The following TENM4 variants were observed in gnomAD, a reference collection of about 807,000 sequenced individuals.
The protein encoded by TENM4 is teneurin-4.
In TENM4, 82 loss-of-function variants were observed where a neutral mutation model predicts 243.3. The observed-to-expected ratio is 0.34, with a 90% CI of 0.28 to 0.40. TENM4 has a LOEUF of 0.40. TENM4 is among the 10% of genes least tolerant of loss of function. The pLI, the probability that TENM4 is intolerant of heterozygous loss-of-function variation, is 1.00. For missense variants in TENM4, 3,138 were observed against 3,673.3 expected (o/e 0.85, Z 3.77); for synonymous variants, 1,412 against 1,456.3 (o/e 0.97, Z 0.69).
intron 18 of TENM4, 69 bp from the exon 19 acceptor site, chr11:78,757,090 TA>T (rs1337313976): frequency 6.9e-7 from 1 of 1,448,872 alleles, no homozygotes; most frequent in Non-Finnish European, 9.3e-7. Context: ...CAGAATGCCT[TA>T]ATTCATTTCT....
chr11:78,893,676 C>G (rs759227087), intron 7 of TENM4, among the ~76,000 whole-genome samples: 1 of 151,798 alleles, frequency 6.6e-6, no homozygotes, highest in Non-Finnish European at 1.5e-5. Flanking sequence ...AACCTCCTTC[C>G]TCCCCTCCTC....
intron 6 of TENM4, among the ~76,000 whole-genome samples, chr11:79,026,842 G>T (rs544900718): frequency 6.6e-6 from 1 of 152,118 alleles, no homozygotes; most frequent in Non-Finnish European, 1.5e-5. Flanking sequence ...TTGGACTCTG[G>T]TAAAAGGGCA....
chr11:78,889,577 A>G lies in TENM4; in HGVS notation c.1084+208T>C, dbSNP rs1179711722. The stretch of plus-strand genomic sequence containing the variant: ...AGCTTCCTTCCTGATATAAGTGCAG[A>G]GGGATGGAGAGGAAAGAGAGGAGGG... On this transcript the variant is annotated intron_variant, in intron 9 of 33. Transcript: ENST00000278550. 2.0e-5 allele frequency among the ~76,000 whole-genome samples: 3 copies of G among 152,192 alleles called. No individual in the cohort carries two copies. The East Asian group carries it at 5.8e-4, about 29-fold the overall frequency.
chr11:79,051,713 T>C (rs537205068), intron 6 of TENM4, among the ~76,000 whole-genome samples: 2 of 152,332 alleles, frequency 1.3e-5, no homozygotes, highest in Admixed American at 6.5e-5. Flanking sequence ...ATGTGCAGGT[T>C]TGTCACATAA....
chr11:79,392,242 C>T (rs1858249914), intron 1 of TENM4, among the ~76,000 whole-genome samples: 1 of 152,218 alleles, frequency 6.6e-6, no homozygotes, highest in Non-Finnish European at 1.5e-5. Context: ...ATGATGTTTG[C>T]TCACAGGGAA....
At chr11:78,858,625 A>AT (rs1213839572) in intron 10 of TENM4, among the ~76,000 whole-genome samples, 1 of 152,196 alleles carries the variant, frequency 6.6e-6, no homozygotes, top group African/African-American at 2.4e-5. Flanking sequence ...TCTAGATGCT[A>AT]TAAGACTTTT....
intron 1 of TENM4, among the ~76,000 whole-genome samples, chr11:79,321,625 C>T (rs577370217): frequency 3.9e-4 from 37 of 95,162 alleles, no homozygotes; most frequent in African/African-American, 1.5e-3. Flanking sequence ...ACTTTCTGCA[C>T]AAGCAGGAAA....
Position 78,670,531 on chromosome 11 carries a change from G to C in TENM4, c.5814C>G (p.His1938Gln), listed in dbSNP as rs1858296863. The C allele has an allele frequency of 6.2e-7, 1 of 1,609,166 alleles. No homozygotes were observed. The highest frequency in any genetic ancestry group is 8.5e-7 in the Non-Finnish European group (1 of 1,177,822). Residue 1938 changes from histidine to glutamine, a missense_variant, in exon 32 of 34, where the codon CAC becomes CAG. Around this residue, in one of 2 missense-constraint regions of TENM4, gnomAD observed 2,467 missense variants for 3,059.1 expected, o/e 0.81. Coordinates refer to ENST00000278550, the MANE Select transcript of TENM4 (RefSeq NM_001098816.3). The part of the protein sequence containing the change: ...YLEKSMVLLL[H>Q]SQRQYIFEFD... ...ACTCAAAGATATACTGCCTCTGGCT[G>C]TGTAGTAGCAGCACCATGGACTGGA...
At chr11:78,922,727 C>G (rs534551077) in intron 6 of TENM4, among the ~76,000 whole-genome samples, 1 of 152,312 alleles carries the variant, frequency 6.6e-6, no homozygotes, top group Non-Finnish European at 1.5e-5. Context: ...GGCCTAAGAC[C>G]TGTGACATAT....
At chr11:79,369,396 A>G (rs188070218) in intron 1 of TENM4, among the ~76,000 whole-genome samples, 1 of 152,290 alleles carries the variant, frequency 6.6e-6, no homozygotes, top group Admixed American at 6.5e-5. Context: ...CAGCATGATT[A>G]ACACTGCTTT....
At chr11:79,373,329 G>T (rs890891414) in intron 1 of TENM4, among the ~76,000 whole-genome samples, 1 of 104,800 alleles carries the variant, frequency 9.5e-6, no homozygotes, top group Non-Finnish European at 2.0e-5. Flanking sequence ...TGGCTGGCTG[G>T]CTGGATGGAT....
At chr11:79,376,501 G>A (rs907301689) in intron 1 of TENM4, among the ~76,000 whole-genome samples, 2 of 152,212 alleles carry the variant, frequency 1.3e-5, no homozygotes, top group South Asian at 2.1e-4. Flanking sequence ...GCTACTGGAA[G>A]ACTTCCCTTC....
intron 18 of TENM4, among the ~76,000 whole-genome samples, chr11:78,758,737 C>T (rs757590799): frequency 6.6e-6 from 1 of 152,152 alleles, no homozygotes; most frequent in Non-Finnish European, 1.5e-5. Flanking sequence ...TTCTGTTTCT[C>T]TCCCATTTCT....
chr11:78,990,111 TC>T (rs1858006975), intron 6 of TENM4, among the ~76,000 whole-genome samples: 1 of 151,340 alleles, frequency 6.6e-6, no homozygotes, highest in East Asian at 1.9e-4. Flanking sequence ...CTTTATTGGG[TC>T]CCAGGGTCAC....
At chr11:78,804,256 T>A (rs1423440373) in intron 15 of TENM4, among the ~76,000 whole-genome samples, 1 of 152,224 alleles carries the variant, frequency 6.6e-6, no homozygotes, top group Non-Finnish European at 1.5e-5. Flanking sequence ...CTTTATCAGT[T>A]CACTTATCTC....
chr11:79,246,985 C>CGAA (rs71050214), intron 2 of TENM4, among the ~76,000 whole-genome samples: 4 of 133,676 alleles, frequency 3.0e-5, no homozygotes, highest in Admixed American at 7.6e-5. Flanking sequence ...TTGTATTTCT[C>CGAA]AAAAAAAAAA....
At chr11:79,305,291 G>A (rs1316421243) in intron 1 of TENM4, among the ~76,000 whole-genome samples, 1 of 152,234 alleles carries the variant, frequency 6.6e-6, no homozygotes, top group Non-Finnish European at 1.5e-5. Context: ...CAGAGCTGAT[G>A]TGAGAATTAG....
intron 4 of TENM4, among the ~76,000 whole-genome samples, chr11:79,144,176 G>A (rs72935328): frequency 0.055 from 8,386 of 151,990 alleles, 338 homozygotes; most frequent in Non-Finnish European, 0.078. Context: ...GAAGACATAC[G>A]GATGGCAAAC....
At chr11:79,246,384 C>G (rs1369012772) in intron 2 of TENM4, among the ~76,000 whole-genome samples, 1 of 152,150 alleles carries the variant, frequency 6.6e-6, no homozygotes, top group Non-Finnish European at 1.5e-5. Flanking sequence ...TTGGCATTAT[C>G]TAGTAAAGCT....
Sources: gnomAD v4.1 joint callset for allele counts (sites outside exome capture counted in the v4.1 genomes callset) on GRCh38, gnomAD v4.1.1 for gene constraint, gnomAD v4.1.1 regional missense constraint, MANE v1.5 for transcripts, NCBI Gene and HGNC (gene_info 2026-07-23, HGNC 2026-07-21) for gene names.